The following ADAMTS19 variants were observed in gnomAD, a reference collection of about 807,000 sequenced individuals.
The protein encoded by ADAMTS19 is A disintegrin and metalloproteinase with thrombospondin motifs 19.
Under a neutral mutation model 153.3 loss-of-function variants are expected in ADAMTS19, and 93 were observed. The ratio of observed to expected loss-of-function variants is 0.61; its 90% CI spans 0.51 to 0.72. The LOEUF is 0.72. Among genes scored for constraint, ADAMTS19 ranks in the 30% least tolerant of loss-of-function variants. The pLI, the probability that ADAMTS19 is intolerant of heterozygous loss-of-function variation, is 0.00. For synonymous variants in ADAMTS19, 600 were observed against 556.6 expected (o/e 1.08, Z -1.10); for missense variants, 1,482 against 1,552.1 (o/e 0.95, Z 0.76).
intron 7 of ADAMTS19, among the ~76,000 whole-genome samples, chr5:129,589,213 GT>G (rs150764607): frequency 0.046 from 6,881 of 149,718 alleles, 488 homozygotes; most frequent in African/African-American, 0.16. Context: ...TACTATCACT[GT>G]TTTTTTTTAA....
At chr5:129,706,788 T>C (rs1377091879) in intron 21 of ADAMTS19, among the ~76,000 whole-genome samples, 1 of 152,334 alleles carries the variant, frequency 6.6e-6, no homozygotes, top group East Asian at 1.9e-4. Flanking sequence ...ACGTGCCTAC[T>C]GTGTGGCCTC....
In ADAMTS19 at chr5:129,461,021, A is replaced by G; in HGVS notation, c.92-81A>G. 2 of 1,276,544 alleles carry G rather than the reference A, an allele frequency of 1.6e-6. No individual in the cohort carries two copies. Among genetic ancestry groups the G allele is most frequent in the Non-Finnish European group, 9.9e-7 (1 of 1,013,928 alleles). 79.1% of individuals were successfully genotyped at this position (1,276,544 alleles called of 1,614,324 possible). On this transcript the variant is annotated intron_variant, in intron 1 of 22. Transcript: ENST00000274487. This position sits in a 1 kb window ranked among gnomAD's most constrained non-coding sequence, Gnocchi z 4.6. ...CATTCAACGCGAGCGCCCTGTATCT[A>G]TGGACTGTGAGCTTGGAAATGTTTG...
rs1268435018 is a variant in ADAMTS19 at position 129,502,402 on chromosome 5, A to G, written c.748-6675A>G. 2.0e-5 allele frequency among the ~76,000 whole-genome samples: 3 copies of G among 152,098 alleles called. No individual in the cohort carries two copies. The East Asian group carries it at 5.8e-4, about 29-fold the overall frequency. On this transcript the variant is annotated intron_variant, in intron 2 of 22. Transcript: ENST00000274487. ...TTAACATGGAAATTGGGAAGCCTACACTCTAGGCCTGACATTCACATTAAC... is the reference window on the plus strand; with the variant it reads ...TTAACATGGAAATTGGGAAGCCTACGCTCTAGGCCTGACATTCACATTAAC...
chr5:129,488,700 A>T (rs1750672742), intron 2 of ADAMTS19, among the ~76,000 whole-genome samples: 1 of 152,154 alleles, frequency 6.6e-6, no homozygotes, highest in African/African-American at 2.4e-5. Flanking sequence ...ACATTTGATT[A>T]TAACAATTTG....
chr5:129,599,001 C>G (rs749303022), intron 8 of ADAMTS19, among the ~76,000 whole-genome samples: 1 of 151,956 alleles, frequency 6.6e-6, no homozygotes, highest in Non-Finnish European at 1.5e-5. Context: ...CCATGTTGTT[C>G]AAGGGTCAAG....
intron 3 of ADAMTS19, among the ~76,000 whole-genome samples, chr5:129,522,360 T>G (rs1015094024): frequency 7.3e-6 from 1 of 137,454 alleles, no homozygotes; most frequent in African/African-American, 2.7e-5. Context: ...TATATATATA[T>G]ATATATGATC....
intron 21 of ADAMTS19, among the ~76,000 whole-genome samples, chr5:129,725,140 T>C (rs1290518121): frequency 6.6e-6 from 1 of 152,160 alleles, no homozygotes; most frequent in East Asian, 1.9e-4. Flanking sequence ...ACAAACTGCC[T>C]AAATAATTTC....
At position 129,596,549 on chromosome 5, in the gene ADAMTS19, T is replaced by C; in HGVS notation, c.1373-10T>C. The C allele has an allele frequency of 6.5e-7, 1 of 1,529,484 alleles. No individual in the cohort carries two copies. Among genetic ancestry groups the C allele is most frequent in the South Asian group, 1.2e-5 (1 of 84,020 alleles). 94.7% of individuals were successfully genotyped at this position (1,529,484 alleles called of 1,614,324 possible). A position where few individuals can be genotyped will look rare whatever the true frequency, so the allele number is the denominator to read the frequency against. On this transcript the variant is annotated splice_polypyrimidine_tract_variant and intron_variant, in intron 7 of 22. Coordinates refer to ENST00000274487, the MANE Select transcript of ADAMTS19 (RefSeq NM_133638.6). ...TCAGACATATAATAATTAATGTTTG[T>C]ATTTTTTAGGTATAGCTTACTTGAG...
intron 4 of ADAMTS19, among the ~76,000 whole-genome samples, chr5:129,527,006 A>C (rs1380098077): frequency 1.3e-5 from 2 of 151,942 alleles, no homozygotes; most frequent in Non-Finnish European, 2.9e-5. Flanking sequence ...TTATATACGT[A>C]TGTAAAATTT....
chr5:129,464,034 G>A (rs1384705198), intron 2 of ADAMTS19, among the ~76,000 whole-genome samples: 1 of 152,134 alleles, frequency 6.6e-6, no homozygotes, highest in African/African-American at 2.4e-5. Flanking sequence ...AAGTTGAACT[G>A]GATTTTAAAA....
intron 2 of ADAMTS19, among the ~76,000 whole-genome samples, chr5:129,507,334 C>T (rs1751297832): frequency 6.6e-6 from 1 of 151,940 alleles, no homozygotes; most frequent in Non-Finnish European, 1.5e-5. Flanking sequence ...CACAACACCA[C>T]CTATTCTCAA....
chr5:129,676,055 A>T (rs114794635), intron 16 of ADAMTS19, among the ~76,000 whole-genome samples: 3,627 of 152,126 alleles, frequency 0.024, 64 homozygotes, highest in Non-Finnish European at 0.036. Context: ...ATAATAATAA[A>T]AAAAAGCCTT....
intron 10 of ADAMTS19, among the ~76,000 whole-genome samples, chr5:129,628,519 C>T (rs575050901): frequency 2.1e-4 from 32 of 151,986 alleles, no homozygotes; most frequent in African/African-American, 6.3e-4. Context: ...TGAGATTAGA[C>T]GGTTGATATT....
At chr5:129,539,041 T>C (rs914627458) in intron 6 of ADAMTS19, among the ~76,000 whole-genome samples, 10 of 152,100 alleles carry the variant, frequency 6.6e-5, no homozygotes, top group African/African-American at 2.4e-4. Flanking sequence ...GTTTTCTCTG[T>C]TTGTTTGCTT....
intron 6 of ADAMTS19, among the ~76,000 whole-genome samples, chr5:129,537,400 A>G (rs1028344811): frequency 3.3e-5 from 5 of 152,180 alleles, no homozygotes; most frequent in South Asian, 4.1e-4. Context: ...TACAAATACC[A>G]TTTGACCCAG....
chr5:129,607,911 A>T (rs1264353308), intron 8 of ADAMTS19, among the ~76,000 whole-genome samples: 1 of 151,034 alleles, frequency 6.6e-6, no homozygotes, highest in Non-Finnish European at 1.5e-5. Flanking sequence ...ATAAAGATGG[A>T]TGTATAAAGA....
intron 10 of ADAMTS19, among the ~76,000 whole-genome samples, chr5:129,640,636 T>C (rs1045337078): frequency 1.3e-5 from 2 of 152,000 alleles, no homozygotes; most frequent in Non-Finnish European, 2.9e-5. Flanking sequence ...TTTTCAGCCT[T>C]GTTCTTTACT....
chr5:129,556,622 G>C (rs1161415052), intron 7 of ADAMTS19, among the ~76,000 whole-genome samples: 1 of 152,116 alleles, frequency 6.6e-6, no homozygotes, highest in Non-Finnish European at 1.5e-5. Flanking sequence ...GTATTATCAT[G>C]GTAGGCCCAG....
At position 129,546,471 on chromosome 5, in the gene ADAMTS19, C is replaced by T. The variant is rs189887085; in HGVS notation, c.1329-5393C>T. On this transcript the variant is annotated intron_variant, in intron 6 of 22. Coordinates refer to ENST00000274487, the MANE Select transcript of ADAMTS19 (RefSeq NM_133638.6). ...TCGTGGGACTGTAGAATTATAAAGA[C>T]GGAAAGAGTGTTAAAAAAGTAAGCA... Among the ~76,000 whole-genome samples, 32 of 149,808 alleles carry T rather than the reference C, an allele frequency of 2.1e-4. No homozygotes were observed. The South Asian group carries it at 3.1e-3, about 15-fold the overall frequency.
Sources: allele counts gnomAD v4.1 joint callset (sites outside exome capture counted in the v4.1 genomes callset), GRCh38; gene constraint gnomAD v4.1.1; non-coding constraint Gnocchi (gnomAD v3.1); transcripts MANE v1.5; gene names NCBI Gene and HGNC (gene_info 2026-07-23, HGNC 2026-07-21).